The following ZFHX3 variants were observed in gnomAD, a reference collection of about 807,000 sequenced individuals.
The protein encoded by ZFHX3 is zinc finger homeobox 3.
In ZFHX3, 42 loss-of-function variants were observed where a neutral mutation model predicts 279.1. The observed-to-expected ratio is 0.15, with a 90% CI of 0.12 to 0.19. The LOEUF (loss-of-function observed/expected upper bound fraction) is 0.19. ZFHX3 is among the 10% of genes least tolerant of loss of function. ZFHX3 has a pLI of 1.00. For missense variants in ZFHX3, 4,981 were observed against 4,754.0 expected (o/e 1.05, Z -1.40); for synonymous variants, 2,293 against 1,957.8 (o/e 1.17, Z -4.52).
At chr16:73,198,098 C>T (rs71388961) in intron 5 of ZFHX3, among the ~76,000 whole-genome samples, 5,185 of 151,636 alleles carry the variant, frequency 0.034, 310 homozygotes, top group African/African-American at 0.12. Context: ...CTGCCATGAC[C>T]GGCTAATTTT....
At chr16:73,472,612 G>A (rs769799924) in intron 2 of ZFHX3, among the ~76,000 whole-genome samples, 5 of 152,056 alleles carry the variant, frequency 3.3e-5, no homozygotes, top group South Asian at 2.1e-4. Flanking sequence ...CTCCTTCTCC[G>A]TCCTACCGTC....
chr16:73,177,156 A>T (rs1010881390), intron 5 of ZFHX3, among the ~76,000 whole-genome samples: 2 of 141,806 alleles, frequency 1.4e-5, no homozygotes, highest in Non-Finnish European at 3.0e-5. Flanking sequence ...TCCGTCTCAA[A>T]ACCAACCAAC....
intron 7 of ZFHX3, chr16:72,808,006 A>C (rs577649199): frequency 6.6e-6 from 1 of 152,330 alleles, no homozygotes; most frequent in South Asian, 2.1e-4. Context: ...GGCATTTTTC[A>C]TCATGCTGTT....
chr16:73,481,585 C>G (rs577734060), intron 2 of ZFHX3, among the ~76,000 whole-genome samples: 1 of 152,010 alleles, frequency 6.6e-6, no homozygotes, highest in Admixed American at 6.6e-5. Context: ...CAGGTGCATG[C>G]CAGCCATGCC....
intron 3 of ZFHX3, among the ~76,000 whole-genome samples, chr16:73,410,860 G>T (rs879541449): frequency 8.5e-5 from 13 of 152,198 alleles, no homozygotes; most frequent in Non-Finnish European, 1.6e-4. Flanking sequence ...ACAACCCATG[G>T]GTGATGGGAA....
At chr16:73,830,519 C>A (rs917636114) in intron 1 of ZFHX3, among the ~76,000 whole-genome samples, 1 of 152,126 alleles carries the variant, frequency 6.6e-6, no homozygotes, top group African/African-American at 2.4e-5. Context: ...GAAACCCCAC[C>A]CCTCTTAACC....
chr16:73,767,200 G>A (rs532218347), intron 1 of ZFHX3, among the ~76,000 whole-genome samples: 1 of 152,124 alleles, frequency 6.6e-6, no homozygotes, highest in Admixed American at 6.5e-5. Flanking sequence ...ACCTCCCAAA[G>A]TGCTGGGATC....
At chr16:72,992,991 GC>G (rs1419250149) in intron 1 of ZFHX3, among the ~76,000 whole-genome samples, 2 of 152,230 alleles carry the variant, frequency 1.3e-5, no homozygotes, top group Non-Finnish European at 2.9e-5. Flanking sequence ...AGAAAAATTA[GC>G]CGGGCATGGC....
Position 73,471,415 on chromosome 16 carries a change from C to CT in ZFHX3, c.-1546-15158dup, listed in dbSNP as rs575645647. On this transcript the variant is annotated intron_variant, in intron 2 of 17. Transcript: ENST00000641206. Reference sequence around the variant, plus strand: ...TTTGTGAATCTCTTTCTTTTTCTTTCTTTTTTTTTTTAGACAGAATTTCAC... The same window carrying CT: ...TTTGTGAATCTCTTTCTTTTTCTTTCTTTTTTTTTTTTAGACAGAATTTCAC... 3.2e-3 allele frequency among the ~76,000 whole-genome samples: 470 copies of CT among 145,698 alleles called. 4 individuals carry two copies. Among genetic ancestry groups the CT allele is most frequent in the African/African-American group, 0.011 (421 of 39,902 alleles).
intron 2 of ZFHX3, among the ~76,000 whole-genome samples, chr16:73,556,939 C>CA (rs1567518064): frequency 6.6e-6 from 1 of 151,506 alleles, no homozygotes; most frequent in African/African-American, 2.4e-5. Flanking sequence ...ACTAAAAATA[C>CA]AAAAAATTAG....
At chr16:73,782,533 C>G (rs1293166142) in intron 1 of ZFHX3, among the ~76,000 whole-genome samples, 4 of 152,152 alleles carry the variant, frequency 2.6e-5, no homozygotes, top group African/African-American at 4.8e-5. Flanking sequence ...GCCATCCTTC[C>G]CCTTAGAGAA....
rs113016982 is a variant in ZFHX3 at position 73,567,868 on chromosome 16, A to ATT, written c.-1546-111612_-1546-111611dup. On this transcript the variant is annotated intron_variant, in intron 2 of 17. Coordinates refer to the ZFHX3 transcript ENST00000641206. ...TTCAGTGAAAAATGCTAATTGAAAG[A>ATT]TTTTTTTTTCTCAAAAGGACATTGA... is the stretch of plus-strand genomic sequence containing the variant. 5.4e-3 allele frequency among the ~76,000 whole-genome samples: 814 copies of ATT among 151,854 alleles called. 7 individuals carry two copies. Among genetic ancestry groups the ATT allele is most frequent in the African/African-American group, 0.018 (754 of 41,364 alleles).
chr16:73,066,393 C>T (rs1014524109), intron 8 of ZFHX3, among the ~76,000 whole-genome samples: 1 of 152,210 alleles, frequency 6.6e-6, no homozygotes, highest in African/African-American at 2.4e-5. Context: ...GTGCGCGTCC[C>T]TAATGCCCGG....
intron 3 of ZFHX3, among the ~76,000 whole-genome samples, chr16:73,417,702 C>A (rs897883918): frequency 6.6e-6 from 1 of 151,680 alleles, no homozygotes; most frequent in Non-Finnish European, 1.5e-5. Context: ...TGCGGTGGCT[C>A]ACGCCTGTAA....
At chr16:73,811,238 C>G (rs1481733260) in intron 1 of ZFHX3, among the ~76,000 whole-genome samples, 1 of 152,172 alleles carries the variant, frequency 6.6e-6, no homozygotes, top group Non-Finnish European at 1.5e-5. Flanking sequence ...GAGACCACAG[C>G]TAGCTCTTAC....
At chr16:73,822,650 A>G (rs1960781677) in intron 1 of ZFHX3, among the ~76,000 whole-genome samples, 1 of 152,210 alleles carries the variant, frequency 6.6e-6, no homozygotes, top group African/African-American at 2.4e-5. Context: ...CATTTACTGT[A>G]AAGTGTGTGC....
At chr16:73,726,634 C>T (rs2053521200) in intron 1 of ZFHX3, among the ~76,000 whole-genome samples, 1 of 152,146 alleles carries the variant, frequency 6.6e-6, no homozygotes, top group African/African-American at 2.4e-5. Context: ...CTGGGGAGGC[C>T]TCAGAGAGCT....
At chr16:73,761,153 A>G (rs546727132) in intron 1 of ZFHX3, among the ~76,000 whole-genome samples, 239 of 152,294 alleles carry the variant, frequency 1.6e-3, no homozygotes, top group African/African-American at 5.4e-3. Context: ...ATACAAAATC[A>G]ATGTGCAAAA....
intron 3 of ZFHX3, among the ~76,000 whole-genome samples, chr16:72,920,599 G>C (rs1276464448): frequency 6.6e-6 from 1 of 152,048 alleles, no homozygotes; most frequent in Admixed American, 6.6e-5. Context: ...GAACCCAGGA[G>C]GTGGAGGTTG....
Sources: allele counts gnomAD v4.1 joint callset (sites outside exome capture counted in the v4.1 genomes callset), GRCh38; gene constraint gnomAD v4.1.1; transcripts MANE v1.5; gene names NCBI Gene and HGNC (gene_info 2026-07-23, HGNC 2026-07-21).